Variants in USP31 observed in about 807,000 individuals in gnomAD.
USP31 encodes ubiquitin specific peptidase 31.
Under a neutral mutation model 119.4 loss-of-function variants are expected in USP31, and 44 were observed. That is an observed-to-expected ratio of 0.37 (90% CI 0.29 to 0.47). The LOEUF (loss-of-function observed/expected upper bound fraction) is 0.47, where lower values mean the gene tolerates loss of function less well. USP31 is among the 20% of genes least tolerant of loss of function. The pLI is 0.99. For synonymous variants in USP31, 749 were observed against 705.6 expected, an observed-to-expected ratio of 1.06 and a Z score of -0.97; for missense variants, 1,643 against 1,730.2, an observed-to-expected ratio of 0.95 and a Z score of 0.89.
At chr16:23,136,515 G>A (rs763882558) in intron 1 of USP31, among the ~76,000 whole-genome samples, 8 of 152,080 alleles carry the variant, frequency 5.3e-5, no homozygotes, top group South Asian at 2.1e-4. Flanking sequence ...TTAGTTGGGC[G>A]TGGTGGTGGG....
In USP31 at chr16:23,068,873, C is replaced by A; in HGVS notation, c.3232G>T (p.Asp1078Tyr). 1 of 1,586,974 alleles carries A rather than the reference C, an allele frequency of 6.3e-7. No individual in the cohort carries two copies. The highest frequency in any genetic ancestry group is 8.6e-7 in the Non-Finnish European group (1 of 1,167,646). ...CGTCCACTGCCCCTGGAAGAAGAAT[C>A]TGCTTTGCTGCGGGAGCGGGAGGGC... ...LKPSRSRSKA[D>Y]SSSRGSGRHS... The change falls in exon 16 of 16, where the codon GAT (aspartate) becomes TAT (tyrosine). Residue 1078 changes from aspartate to tyrosine, a missense_variant. Asp to Tyr is a radical substitution (Grantham distance 160). This residue lies in a region of USP31 where 699 missense variants were observed against 650.9 expected (regional missense o/e 1.07). Transcript: ENST00000219689.
chr16:23,120,959 T>C (rs1902647458), intron 1 of USP31, among the ~76,000 whole-genome samples: 2 of 151,772 alleles, frequency 1.3e-5, no homozygotes, highest in South Asian at 4.1e-4. Context: ...CAAAATCCTC[T>C]TGATTTTGAA....
At chr16:23,086,395 T>G (rs949987349) in intron 9 of USP31, among the ~76,000 whole-genome samples, 1 of 151,354 alleles carries the variant, frequency 6.6e-6, no homozygotes, top group African/African-American at 2.4e-5. Context: ...TATTCATAGA[T>G]ACATAGTGTG....
chr16:23,122,712 A>T (rs576509617), intron 1 of USP31, among the ~76,000 whole-genome samples: 1 of 152,312 alleles, frequency 6.6e-6, no homozygotes, highest in African/African-American at 2.4e-5. Flanking sequence ...AAGGCCACAT[A>T]TATGATTCCT....
At position 23,123,335 on chromosome 16, in the gene USP31, C is replaced by T. The variant is rs970384195; in HGVS notation, c.634-15152G>A. On this transcript the variant is annotated intron_variant, in intron 1 of 15. Transcript: ENST00000219689. ...GATGGATCACCTGAGGTCAGGAGTT[C>T]GAGACCAGCCTGGCCAACATGGTGA... Among the ~76,000 whole-genome samples, 9 of 152,038 alleles carry T rather than the reference C, an allele frequency of 5.9e-5. 1 individual carries two copies. Among genetic ancestry groups the T allele is most frequent in the African/African-American group, 1.9e-4 (8 of 41,386 alleles).
At chr16:23,105,383 A>T in intron 5 of USP31, 58 bp downstream of exon 5, 3 of 1,466,274 alleles carry the variant, frequency 2.0e-6, no homozygotes, top group Non-Finnish European at 2.7e-6. Context: ...AAATTCTAAG[A>T]GAACAGAAAG....
chr16:23,088,539 A>G (rs920728697), intron 7 of USP31, among the ~76,000 whole-genome samples: 8 of 152,200 alleles, frequency 5.3e-5, no homozygotes, highest in African/African-American at 1.9e-4. Context: ...ATCCACGCCC[A>G]GTCAGTCAAA....
chr16:23,100,645 C>T (rs1703385061), intron 6 of USP31, among the ~76,000 whole-genome samples: 2 of 152,078 alleles, frequency 1.3e-5, no homozygotes, highest in South Asian at 2.1e-4. Flanking sequence ...TGGTGGCATG[C>T]GCCTGTGATC....
chr16:23,061,901 G>C lies in USP31; in HGVS notation c.*6145C>G, dbSNP rs1025740493. The C allele has an allele frequency of 6.6e-6, 1 of 152,662 alleles. No individual in the cohort carries two copies. The highest frequency in any genetic ancestry group is 6.5e-5 in the Admixed American group (1 of 15,288). 9.5% of individuals were successfully genotyped at this position (152,662 alleles called of 1,614,324 possible). A position where few individuals can be genotyped will look rare whatever the true frequency, so the allele number is the denominator to read the frequency against. ...ACCAGTGGTGAGAGGCACAGTTGGT[G>C]AGCAGACCTCTATGGAATGCAAACA... On this transcript the variant is annotated 3_prime_UTR_variant, in exon 16 of 16. Transcript: ENST00000219689.
intron 6 of USP31, among the ~76,000 whole-genome samples, chr16:23,092,301 A>G (rs1901399288): frequency 6.6e-6 from 1 of 152,212 alleles, no homozygotes; most frequent in Admixed American, 6.5e-5. Context: ...TGTTAACCCT[A>G]AGCAACTGGG....
rs151276100 is a variant in USP31, at chr16:23,109,342, C to T, written c.634-1159G>A. Reference sequence around the variant, plus strand: ...GGACACGGGACATGTCAAAGGGACACAGGAACCAATCTAAAAGAACTCCCA... The same window carrying T: ...GGACACGGGACATGTCAAAGGGACATAGGAACCAATCTAAAAGAACTCCCA... On this transcript the variant is annotated intron_variant, in intron 1 of 15. Coordinates refer to ENST00000219689, the MANE Select transcript of USP31 (RefSeq NM_020718.4). Among the ~76,000 whole-genome samples the T allele has an allele frequency of 9.2e-5, 14 of 152,184 alleles. No individual in the cohort carries two copies. The East Asian group carries it at 2.7e-3, about 29-fold the overall frequency.
Position 23,108,077 on chromosome 16 carries a change from G to T in USP31, c.740C>A (p.Ser247Ter). The change falls in exon 2 of 16, where the codon TCA becomes TAA. Residue 247 changes from serine to a stop codon, truncating the protein, a stop_gained. Transcript: ENST00000219689. LOFTEE classifies it high-confidence loss of function. Reference sequence around the variant, plus strand: ...AGGAGGCTGGCCACTCTGCTTCACTGAATGGTTGAGGTCTTCATGAACTCG... The same window carrying T: ...AGGAGGCTGGCCACTCTGCTTCACTTAATGGTTGAGGTCTTCATGAACTCG... ...LDRVHEDLNH[S>*]VKQSGQPPLK... 6.2e-7 allele frequency: 1 copy of T among 1,613,952 alleles called. No individual in the cohort carries two copies. The highest frequency in any genetic ancestry group is 1.3e-5 in the African/African-American group (1 of 75,034).
intron 6 of USP31, among the ~76,000 whole-genome samples, chr16:23,097,924 G>A (rs1252541457): frequency 6.6e-6 from 1 of 151,904 alleles, no homozygotes; most frequent in Non-Finnish European, 1.5e-5. Context: ...AGACAAGGAT[G>A]CCCTCTCTCA....
At chr16:23,139,054 A>G (rs564799735) in intron 1 of USP31, among the ~76,000 whole-genome samples, 10 of 152,120 alleles carry the variant, frequency 6.6e-5, no homozygotes, top group Non-Finnish European at 1.3e-4. Context: ...GACTTAATAA[A>G]TCTATATATC....
chr16:23,098,186 A>G (rs1289028938), intron 6 of USP31, among the ~76,000 whole-genome samples: 1 of 151,650 alleles, frequency 6.6e-6, no homozygotes, highest in Non-Finnish European at 1.5e-5. Context: ...ATAACAGACA[A>G]ACAGAGAGCC....
intron 12 of USP31, among the ~76,000 whole-genome samples, chr16:23,081,500 T>C (rs35476232): frequency 0.23 from 34,946 of 152,122 alleles, 4,792 homozygotes; most frequent in Admixed American, 0.31. Flanking sequence ...ACCTATCCCA[T>C]CTACTAGCAG....
chr16:23,146,201 CTT>C (rs1422258209), intron 1 of USP31, among the ~76,000 whole-genome samples: 2 of 137,948 alleles, frequency 1.4e-5, no homozygotes, highest in Non-Finnish European at 3.0e-5. Flanking sequence ...GCTGTGGCTA[CTT>C]ACAGGCAATT....
intron 13 of USP31, among the ~76,000 whole-genome samples, chr16:23,076,380 T>C (rs2141834561): frequency 6.6e-6 from 1 of 152,038 alleles, no homozygotes; most frequent in East Asian, 1.9e-4. Flanking sequence ...ACTAAGACTC[T>C]AAACATCTCA....
chr16:23,102,469 A>T lies in USP31; in HGVS notation c.1090-6T>A. 3 of 1,598,038 alleles carry T rather than the reference A, an allele frequency of 1.9e-6. No individual in the cohort carries two copies. Among genetic ancestry groups the T allele is most frequent in the Non-Finnish European group, 2.6e-6 (3 of 1,174,188 alleles). On this transcript the variant is annotated splice_polypyrimidine_tract_variant and splice_region_variant and intron_variant, in intron 5 of 15. Coordinates refer to ENST00000219689, the MANE Select transcript of USP31 (RefSeq NM_020718.4). Reference sequence around the variant, plus strand: ...TACATTTCTGTTAACACAATCTAAAAATAGGAAAAATGTAAACAGGTGGGT... The same window carrying T: ...TACATTTCTGTTAACACAATCTAAATATAGGAAAAATGTAAACAGGTGGGT...
Sources: gnomAD v4.1 joint callset for allele counts (sites outside exome capture counted in the v4.1 genomes callset) on GRCh38, gnomAD v4.1.1 for gene constraint, gnomAD v4.1.1 regional missense constraint, MANE v1.5 for transcripts, NCBI Gene and HGNC (gene_info 2026-07-23, HGNC 2026-07-21) for gene names.